Variants in AGTPBP1 observed in about 807,000 individuals in gnomAD.
The protein encoded by AGTPBP1 is ATP/GTP binding carboxypeptidase 1.
A neutral mutation model predicts 143.9 loss-of-function variants in AGTPBP1; 70 were observed. The observed-to-expected ratio is 0.49, with a 90% CI of 0.40 to 0.59. The LOEUF (loss-of-function observed/expected upper bound fraction) is 0.59. AGTPBP1 is among the 20% of genes least tolerant of loss of function. The probability of loss-of-function intolerance (pLI) is 0.00; values close to 1 mark genes in which losing one functional copy is unlikely to be tolerated. For missense variants in AGTPBP1, 1,229 were observed against 1,464.5 expected, an observed-to-expected ratio of 0.84 and a Z score of 2.62; for synonymous variants, 463 against 500.2, an observed-to-expected ratio of 0.93 and a Z score of 0.99.
intron 6 of AGTPBP1, among the ~76,000 whole-genome samples, chr9:85,676,840 A>C (rs79397169): frequency 0.08 from 12,196 of 152,320 alleles, 783 homozygotes; most frequent in East Asian, 0.36. Flanking sequence ...TTTACACAAT[A>C]GAATACTATT....
At chr9:85,621,766 T>C (rs1371132660) in intron 14 of AGTPBP1, among the ~76,000 whole-genome samples, 1 of 152,178 alleles carries the variant, frequency 6.6e-6, no homozygotes, top group Non-Finnish European at 1.5e-5. Flanking sequence ...CTCTCCTCTC[T>C]TTTGTGGTGG....
chr9:85,725,551 G>A (rs966456395), intron 1 of AGTPBP1, among the ~76,000 whole-genome samples: 12 of 152,010 alleles, frequency 7.9e-5, no homozygotes, highest in Non-Finnish European at 1.6e-4. Context: ...CATAGGCACC[G>A]CCAACTACCT....
intron 24 of AGTPBP1, among the ~76,000 whole-genome samples, chr9:85,578,094 T>C (rs1173707377): frequency 1.3e-5 from 2 of 152,178 alleles, no homozygotes; most frequent in Non-Finnish European, 2.9e-5. Context: ...GAAATAGAAA[T>C]GCCCAGTTTT....
At chr9:85,659,812 G>C (rs1044077445) in intron 9 of AGTPBP1, among the ~76,000 whole-genome samples, 1 of 151,978 alleles carries the variant, frequency 6.6e-6, no homozygotes, top group Non-Finnish European at 1.5e-5. Flanking sequence ...TCTTTATACA[G>C]TTTGAACCAC....
chr9:85,791,741 C>T, the AGTPBP1 span, among the ~76,000 whole-genome samples: 1 of 151,942 alleles, frequency 6.6e-6, no homozygotes, highest in Non-Finnish European at 1.5e-5. Flanking sequence ...CTTTTTTATA[C>T]TGGTTTTTAT....
chr9:85,614,896 G>T (rs1830516974), intron 17 of AGTPBP1, among the ~76,000 whole-genome samples: 1 of 152,106 alleles, frequency 6.6e-6, no homozygotes, highest in Non-Finnish European at 1.5e-5. Context: ...TTATCAATCA[G>T]GTTCTAATCT....
the AGTPBP1 span, among the ~76,000 whole-genome samples, chr9:85,748,848 T>C: frequency 6.6e-6 from 1 of 152,176 alleles, no homozygotes; most frequent in Non-Finnish European, 1.5e-5. Context: ...ACTCCTCATC[T>C]CTTATAGGCC....
chr9:85,680,000 G>A (rs1186667151), intron 4 of AGTPBP1, among the ~76,000 whole-genome samples: 1 of 152,108 alleles, frequency 6.6e-6, no homozygotes, highest in Non-Finnish European at 1.5e-5. Flanking sequence ...ATGATTCAAT[G>A]TTACCTTTTT....
chr9:85,619,091 T>G lies in AGTPBP1; in HGVS notation c.2227A>C (p.Asn743His). 1 of 1,613,672 alleles carries G rather than the reference T, an allele frequency of 6.2e-7. No individual in the cohort carries two copies. Among genetic ancestry groups the G allele is most frequent in the Non-Finnish European group, 8.5e-7 (1 of 1,179,748 alleles). Residue 743 changes from asparagine (N) to histidine (H), a missense_variant, in exon 17 of 26, where the codon AAT (asparagine) becomes CAT (histidine). Coordinates refer to ENST00000357081, the MANE Select transcript of AGTPBP1 (RefSeq NM_001330701.2). ...DLILNSDINSNHYHQWFYFEV... is the reference protein window; with the variant it reads ...DLILNSDINSHHYHQWFYFEV... ...AAGTAAAACCACTGATGATAATGAT[T>G]GCTGTTTATGTCTGAGTTCAGAATA...
Position 85,633,055 on chromosome 9 carries a change from T to C in AGTPBP1, c.1622A>G (p.Asn541Ser), listed in dbSNP as rs1831787824. ...VKALDRITLQ[N>S]IPSQTAPGFT... ...ACCTGGGGCTGTTTGAGAAGGAATA[T>C]TCTGCAATGTAATTCGGTCCAAGGC... Residue 541 changes from asparagine (N) to serine (S), a missense_variant, in exon 14 of 26, where the codon AAT (asparagine) becomes AGT (serine). By Grantham distance (46) the Asn-to-Ser change is conservative (BLOSUM62 1). This residue lies in a region of AGTPBP1 where 743 missense variants were observed against 812.2 expected (regional missense o/e 0.91). Transcript: ENST00000357081. 1.9e-6 allele frequency: 3 copies of C among 1,614,072 alleles called. No individual in the cohort carries two copies. Among genetic ancestry groups the C allele is most frequent in the South Asian group, 2.2e-5 (2 of 91,086 alleles).
chr9:85,574,429 C>T (rs1276294797), intron 25 of AGTPBP1, among the ~76,000 whole-genome samples: 1 of 142,220 alleles, frequency 7.0e-6, no homozygotes, highest in African/African-American at 2.6e-5. Flanking sequence ...ATGACCCTGC[C>T]AAATCCCCCC....
chr9:85,692,606 T>G, intron 3 of AGTPBP1, 83 bp downstream of exon 3: 17 of 1,518,326 alleles, frequency 1.1e-5, no homozygotes, highest in Non-Finnish European at 1.5e-5. Context: ...AATCATCCAT[T>G]ATTAGAAGTT....
intron 1 of AGTPBP1, among the ~76,000 whole-genome samples, chr9:85,733,384 T>A (rs1471077349): frequency 1.3e-5 from 2 of 151,988 alleles, no homozygotes; most frequent in Admixed American, 6.5e-5. Flanking sequence ...AACCAATGAA[T>A]CAAAGAAGAA....
chr9:85,558,689 G>A (rs374282657), intron 25 of AGTPBP1, among the ~76,000 whole-genome samples: 17 of 152,140 alleles, frequency 1.1e-4, no homozygotes, highest in Middle Eastern at 3.4e-3. Flanking sequence ...CATGATCTCG[G>A]CTCACTGCAA....
At chr9:85,636,550 C>T (rs1013055009) in intron 13 of AGTPBP1, among the ~76,000 whole-genome samples, 3 of 152,054 alleles carry the variant, frequency 2.0e-5, no homozygotes, top group African/African-American at 7.2e-5. Flanking sequence ...AGCCACCGCA[C>T]CTGGCCCCTA....
chr9:85,632,141 A>T (rs1445716402), intron 14 of AGTPBP1, among the ~76,000 whole-genome samples: 1 of 152,092 alleles, frequency 6.6e-6, no homozygotes, highest in Non-Finnish European at 1.5e-5. Context: ...TGATACAGAC[A>T]TACAATGCGT....
chr9:85,661,102 G>A, intron 8 of AGTPBP1, 129 bp from the exon 9 acceptor site: 2 of 712,848 alleles, frequency 2.8e-6, no homozygotes, highest in Admixed American at 3.6e-5. Flanking sequence ...TCTTGTTTAA[G>A]ATAATTACAC....
the AGTPBP1 span, among the ~76,000 whole-genome samples, chr9:85,749,627 TC>T: frequency 8.6e-3 from 1,314 of 152,230 alleles, 21 homozygotes; most frequent in African/African-American, 0.029. Context: ...ATATGAGAAC[TC>T]CTGAAATTGT....
chr9:85,728,776 A>G (rs1378075080), intron 1 of AGTPBP1, among the ~76,000 whole-genome samples: 1 of 142,490 alleles, frequency 7.0e-6, no homozygotes, highest in Non-Finnish European at 1.5e-5. Context: ...TGCCAATCAG[A>G]AAAAAAAAAA....
Sources: gnomAD v4.1 joint callset for allele counts (sites outside exome capture counted in the v4.1 genomes callset) on GRCh38, gnomAD v4.1.1 for gene constraint, gnomAD v4.1.1 regional missense constraint, MANE v1.5 for transcripts, NCBI Gene and HGNC (gene_info 2026-07-23, HGNC 2026-07-21) for gene names.